The following LRRC8D variants were observed in gnomAD, a reference collection of about 807,000 sequenced individuals.
The protein encoded by LRRC8D is leucine rich repeat containing 8 VRAC subunit D.
A neutral mutation model predicts 55.8 loss-of-function variants in LRRC8D; 20 were observed. That is an observed-to-expected ratio of 0.36 (90% CI 0.25 to 0.52). The LOEUF (loss-of-function observed/expected upper bound fraction) is 0.52, where lower values mean the gene tolerates loss of function less well. Ranked by LOEUF, LRRC8D falls within the 20% of genes least tolerant of loss-of-function variation. The pLI is 0.93. For synonymous variants in LRRC8D, 352 were observed against 377.0 expected (o/e 0.93, Z 0.77); for missense variants, 651 against 1,030.8 (o/e 0.63, Z 5.05).
At chr1:89,821,928 G>C (rs1660644361) in intron 1 of LRRC8D, 3 of 152,108 alleles carry the variant, frequency 2.0e-5, no homozygotes, top group African/African-American at 7.2e-5. Context: ...GGTATAATCC[G>C]CTTCTAGCTT....
intron 1 of LRRC8D, among the ~76,000 whole-genome samples, chr1:89,840,078 T>A (rs1262638731): frequency 1.3e-5 from 2 of 152,222 alleles, no homozygotes; most frequent in African/African-American, 4.8e-5. Flanking sequence ...ATTATGGTAC[T>A]TAGGGAGTGG....
intron 2 of LRRC8D, among the ~76,000 whole-genome samples, chr1:89,868,497 T>G (rs1004288956): frequency 6.6e-6 from 1 of 152,164 alleles, no homozygotes; most frequent in Admixed American, 6.5e-5. Context: ...CGAATGAGGT[T>G]TATTTATGTA....
intron 2 of LRRC8D, among the ~76,000 whole-genome samples, chr1:89,868,421 C>G (rs1331034372): frequency 6.6e-6 from 1 of 152,162 alleles, no homozygotes; most frequent in Non-Finnish European, 1.5e-5. Flanking sequence ...TTCTTCAAAA[C>G]TACATCTGAT....
At chr1:89,873,337 A>G (rs1034501638) in intron 2 of LRRC8D, among the ~76,000 whole-genome samples, 1 of 152,356 alleles carries the variant, frequency 6.6e-6, no homozygotes, top group Middle Eastern at 3.4e-3. Context: ...TAAATGTATA[A>G]TTGCATATAT....
At chr1:89,838,048 A>G (rs1313633581) in intron 1 of LRRC8D, among the ~76,000 whole-genome samples, 2 of 152,078 alleles carry the variant, frequency 1.3e-5, no homozygotes, top group Non-Finnish European at 2.9e-5. Flanking sequence ...TGGGCTTTTT[A>G]ATATGTTATT....
chr1:89,878,811 C>G (rs1040242471), intron 2 of LRRC8D, among the ~76,000 whole-genome samples: 1 of 151,868 alleles, frequency 6.6e-6, no homozygotes, highest in African/African-American at 2.4e-5. Context: ...ACTAAAAATA[C>G]AAAAATTTAG....
At chr1:89,917,001 T>C (rs1181667443) in intron 2 of LRRC8D, among the ~76,000 whole-genome samples, 1 of 152,208 alleles carries the variant, frequency 6.6e-6, no homozygotes, top group Non-Finnish European at 1.5e-5. Context: ...TGTGTTCCTA[T>C]TGTACAGGTA....
At chr1:89,849,366 G>A (rs1389599193) in intron 2 of LRRC8D, among the ~76,000 whole-genome samples, 2 of 152,082 alleles carry the variant, frequency 1.3e-5, no homozygotes, top group East Asian at 3.8e-4. Flanking sequence ...ATTTCTTGAG[G>A]CGATATTGAC....
intron 2 of LRRC8D, among the ~76,000 whole-genome samples, chr1:89,874,443 TTG>T (rs36202085): frequency 0.5 from 73,273 of 146,082 alleles, 18,626 homozygotes; most frequent in East Asian, 0.75. Flanking sequence ...AAGAAACTAT[TTG>T]TGTGTGTGTG....
rs761838442 is a variant in LRRC8D at position 89,933,494 on chromosome 1, T to C, written c.426T>C (p.Asp142=). 9 of 1,614,116 alleles carry C rather than the reference T, an allele frequency of 5.6e-6. 1 individual carries two copies. In the Admixed American group the frequency reaches 1.5e-4, roughly 27 times the overall value. ...CAACAGGTCGAAAAACAAACTTGGATTTTCAGCAATATGTATTTATTAATC... is the reference window on the plus strand; with the variant it reads ...CAACAGGTCGAAAAACAAACTTGGACTTTCAGCAATATGTATTTATTAATC... ...KDPTGRKTNL[D]FQQYVFINQM... Residue 142 remains aspartate (D), a synonymous_variant, in exon 3 of 3, where the codon GAT becomes GAC. Coordinates refer to ENST00000337338, the MANE Select transcript of LRRC8D (RefSeq NM_001134479.2). This position sits in a 1 kb window ranked among gnomAD's most constrained non-coding sequence, Gnocchi z 7.0.
chr1:89,836,591 A>C (rs1661009859), intron 1 of LRRC8D, among the ~76,000 whole-genome samples: 1 of 152,170 alleles, frequency 6.6e-6, no homozygotes, highest in Non-Finnish European at 1.5e-5. Context: ...AACTTTACTG[A>C]TAGTGTATGG....
intron 1 of LRRC8D, among the ~76,000 whole-genome samples, chr1:89,832,384 T>C (rs1008445051): frequency 3.9e-5 from 6 of 152,242 alleles, no homozygotes; most frequent in African/African-American, 1.4e-4. Context: ...ACAACGTCTT[T>C]TCATCATCTG....
chr1:89,850,801 A>T (rs1661393553), intron 2 of LRRC8D, among the ~76,000 whole-genome samples: 1 of 152,190 alleles, frequency 6.6e-6, no homozygotes, highest in East Asian at 1.9e-4. Flanking sequence ...TTCTTGTTAC[A>T]TGTACATTTA....
chr1:89,863,146 C>G (rs959893625), intron 2 of LRRC8D, among the ~76,000 whole-genome samples: 2 of 152,158 alleles, frequency 1.3e-5, no homozygotes, highest in African/African-American at 4.8e-5. Context: ...CCTTTTCATG[C>G]CTCAGTTCCC....
intron 2 of LRRC8D, among the ~76,000 whole-genome samples, chr1:89,844,792 T>C (rs1038429633): frequency 2.0e-5 from 3 of 152,206 alleles, no homozygotes; most frequent in Non-Finnish European, 4.4e-5. Context: ...TTTTACCGCC[T>C]GTTTATCTAC....
Position 89,934,892 on chromosome 1 carries a change from T to C in LRRC8D, c.1824T>C (p.Asp608=). The change falls in exon 3 of 3, where the codon GAT becomes GAC. Residue 608 remains aspartate, a synonymous_variant. Coordinates refer to ENST00000337338, the MANE Select transcript of LRRC8D (RefSeq NM_001134479.2). This position sits in a 1 kb window ranked among gnomAD's most constrained non-coding sequence, Gnocchi z 5.9. The part of the protein sequence containing the change: ...NLTKVPSNIT[D]VAPHLTKLVI... ...CCAAAGTTCCCTCCAACATTACAGA[T>C]GTGGCTCCACATCTTACAAAGTTAG... The C allele has an allele frequency of 6.2e-7, 1 of 1,614,150 alleles. No individual in the cohort carries two copies. The highest frequency in any genetic ancestry group is 1.1e-5 in the South Asian group (1 of 91,080).
chr1:89,932,960 A>T, intron 2 of LRRC8D, 107 bp from the exon 3 acceptor site: 1 of 861,272 alleles, frequency 1.2e-6, no homozygotes. Context: ...ATAAAAAGAT[A>T]GGACCTGAAT....
chr1:89,862,214 G>C (rs1047897208), intron 2 of LRRC8D, among the ~76,000 whole-genome samples: 1 of 152,060 alleles, frequency 6.6e-6, no homozygotes, highest in Non-Finnish European at 1.5e-5. Flanking sequence ...CTTTTTCCTT[G>C]AAACATAACT....
intron 2 of LRRC8D, among the ~76,000 whole-genome samples, chr1:89,923,273 C>T (rs530788430): frequency 6.6e-6 from 1 of 152,260 alleles, no homozygotes; most frequent in Non-Finnish European, 1.5e-5. Flanking sequence ...AATAGATGTA[C>T]TATAAAAGAG....
Sources: allele counts gnomAD v4.1 joint callset (sites outside exome capture counted in the v4.1 genomes callset), GRCh38; gene constraint gnomAD v4.1.1; non-coding constraint Gnocchi (gnomAD v3.1); transcripts MANE v1.5; gene names NCBI Gene and HGNC (gene_info 2026-07-23, HGNC 2026-07-21).